The following INO80 variants were observed in gnomAD, a reference collection of about 807,000 sequenced individuals.
INO80 encodes the protein INO80 complex ATPase subunit.
In INO80, 20 loss-of-function variants were observed where a neutral mutation model predicts 203.4. The observed-to-expected ratio is 0.10, with a 90% CI of 0.07 to 0.14. The LOEUF (loss-of-function observed/expected upper bound fraction) is 0.14. INO80 is among the 10% of genes least tolerant of loss of function. The pLI is 1.00. For synonymous variants in INO80, 726 were observed against 685.2 expected, an observed-to-expected ratio of 1.06 and a Z score of -0.93; for missense variants, 1,419 against 1,914.4, an observed-to-expected ratio of 0.74 and a Z score of 4.83.
chr15:41,052,622 G>A (rs571199998), intron 19 of INO80, among the ~76,000 whole-genome samples: 6 of 148,260 alleles, frequency 4.0e-5, no homozygotes, highest in Middle Eastern at 3.6e-3. Flanking sequence ...GAAGTGAGCC[G>A]TGATTGCACC....
At chr15:41,048,391 T>G in intron 21 of INO80, 115 bp from the exon 22 acceptor site, 1 of 748,572 alleles carries the variant, frequency 1.3e-6, no homozygotes, top group South Asian at 1.9e-5. Flanking sequence ...GTTTCACTTT[T>G]AAGAAGTTTC....
At chr15:41,041,439 T>C (rs552696713) in intron 24 of INO80, among the ~76,000 whole-genome samples, 1 of 151,816 alleles carries the variant, frequency 6.6e-6, no homozygotes, top group East Asian at 1.9e-4. Context: ...TTCTTTTTTT[T>C]TTTTTTCTTT....
In INO80 at chr15:41,103,643, G is replaced by T. The variant is rs557930843; in HGVS notation, c.-43-7290C>A. Among the ~76,000 whole-genome samples, 3 of 152,064 alleles carry T rather than the reference G, an allele frequency of 2.0e-5. No individual in the cohort carries two copies. The East Asian group carries it at 5.8e-4, about 29-fold the overall frequency. On this transcript the variant is annotated intron_variant, in intron 1 of 35. Coordinates refer to ENST00000648947, the MANE Select transcript of INO80 (RefSeq NM_017553.3). ...TGAACTCAAGTGATCCACCTGCCTC[G>T]GCCTCCCAAAGCGCTGGGATTACAG...
intron 1 of INO80, among the ~76,000 whole-genome samples, chr15:41,105,274 T>C (rs525551): frequency 6.6e-6 from 1 of 152,056 alleles, no homozygotes; most frequent in African/African-American, 2.4e-5. Flanking sequence ...TGCAAAAAGC[T>C]TGGGGGTTGG....
At chr15:41,082,250 CAAAA>C (rs60486605) in intron 7 of INO80, among the ~76,000 whole-genome samples, 3 of 54,678 alleles carry the variant, frequency 5.5e-5, no homozygotes. Flanking sequence ...AACTCCGTCT[CAAAA>C]AAAAAAAAAA....
chr15:41,008,865 G>A (rs1470526640), intron 27 of INO80, among the ~76,000 whole-genome samples: 1 of 152,030 alleles, frequency 6.6e-6, no homozygotes, highest in Non-Finnish European at 1.5e-5. Flanking sequence ...ATGGAGTCTC[G>A]CTCTGTTGCC....
intron 19 of INO80, among the ~76,000 whole-genome samples, chr15:41,052,306 A>G (rs982616356): frequency 7.9e-5 from 12 of 152,102 alleles, no homozygotes; most frequent in African/African-American, 2.9e-4. Flanking sequence ...ACTACCCATC[A>G]AGATTTTGAG....
intron 5 of INO80, among the ~76,000 whole-genome samples, chr15:41,091,464 TCA>T (rs1053710823): frequency 4.6e-5 from 7 of 152,032 alleles, no homozygotes; most frequent in African/African-American, 1.7e-4. Flanking sequence ...TATCAACCCA[TCA>T]CCTAAGTATT....
intron 8 of INO80, among the ~76,000 whole-genome samples, chr15:41,080,685 C>T (rs1357745390): frequency 6.6e-6 from 1 of 152,024 alleles, no homozygotes; most frequent in Non-Finnish European, 1.5e-5. Flanking sequence ...GTGAAACTGT[C>T]TCTACTAAAA....
chr15:41,048,346 T>G, intron 21 of INO80, 70 bp from the exon 22 acceptor site: 1 of 1,168,510 alleles, frequency 8.6e-7, no homozygotes, highest in Non-Finnish European at 1.3e-6. Flanking sequence ...AGACTAGAGG[T>G]TCCATAGCAA....
chr15:41,089,143 T>C (rs1225030840), intron 5 of INO80, among the ~76,000 whole-genome samples: 2 of 152,094 alleles, frequency 1.3e-5, no homozygotes, highest in Non-Finnish European at 2.9e-5. Flanking sequence ...TGAGCCAAGA[T>C]CATGCCACTG....
At chr15:41,080,092 C>A (rs2045463388) in intron 8 of INO80, among the ~76,000 whole-genome samples, 188 bp from the exon 9 acceptor site, 1 of 152,048 alleles carries the variant, frequency 6.6e-6, no homozygotes, top group African/African-American at 2.4e-5. Context: ...GTGGTATTAT[C>A]AGGGATAAGA....
intron 1 of INO80, among the ~76,000 whole-genome samples, chr15:41,105,879 C>A (rs1052232826): frequency 6.6e-6 from 1 of 152,148 alleles, no homozygotes; most frequent in Non-Finnish European, 1.5e-5. Context: ...CAAGGTTCAT[C>A]TTATGTATAT....
At chr15:41,046,206 C>CATACATAT (rs1268610100) in intron 23 of INO80, among the ~76,000 whole-genome samples, 11 of 14,394 alleles carry the variant, frequency 7.6e-4, no homozygotes, top group African/African-American at 2.3e-3. Flanking sequence ...CGTATACATA[C>CATACATAT]ATATATATAT....
intron 11 of INO80, among the ~76,000 whole-genome samples, chr15:41,073,023 C>T (rs2045348370): frequency 6.6e-6 from 1 of 152,008 alleles, no homozygotes; most frequent in Non-Finnish European, 1.5e-5. Flanking sequence ...TCGTGATCCA[C>T]CCACCTCAGC....
intron 24 of INO80, among the ~76,000 whole-genome samples, chr15:41,035,386 T>C (rs1281169027): frequency 6.6e-6 from 1 of 151,616 alleles, no homozygotes; most frequent in African/African-American, 2.4e-5. Context: ...ATTAGCTGGG[T>C]GTAGTGGCAC....
At chr15:41,067,926 C>G (rs1377390833) in intron 14 of INO80, among the ~76,000 whole-genome samples, 3 of 152,194 alleles carry the variant, frequency 2.0e-5, no homozygotes, top group African/African-American at 7.2e-5. Flanking sequence ...TTCATTCTTT[C>G]TTAAATTCCT....
At chr15:41,092,707 T>C (rs2045662890) in intron 4 of INO80, among the ~76,000 whole-genome samples, 1 of 152,214 alleles carries the variant, frequency 6.6e-6, no homozygotes, top group South Asian at 2.1e-4. Flanking sequence ...GAAAATATTA[T>C]GCTCAATTAA....
intron 9 of INO80, among the ~76,000 whole-genome samples, chr15:41,075,491 G>A (rs995634288): frequency 6.6e-5 from 10 of 151,926 alleles, no homozygotes; most frequent in Non-Finnish European, 1.5e-4. Flanking sequence ...GTCTCCCTCT[G>A]TCGCCCAGGC....
Sources: gnomAD v4.1 joint callset for allele counts (sites outside exome capture counted in the v4.1 genomes callset) on GRCh38, gnomAD v4.1.1 for gene constraint, MANE v1.5 for transcripts, NCBI Gene and HGNC (gene_info 2026-07-23, HGNC 2026-07-21) for gene names.